ARPC5: variants seen among roughly 807,000 people sequenced by gnomAD.
The protein encoded by ARPC5 is actin-related protein 2/3 complex subunit 5.
Under a neutral mutation model 15.4 loss-of-function variants are expected in ARPC5, and 5 were observed. That is an observed-to-expected ratio of 0.32 (90% CI 0.17 to 0.68). The LOEUF is 0.68. Ranked by LOEUF, ARPC5 falls within the 30% of genes least tolerant of loss-of-function variation. The probability of loss-of-function intolerance (pLI) is 0.71; values close to 1 mark genes in which losing one functional copy is unlikely to be tolerated. For missense variants in ARPC5, 138 were observed against 192.8 expected, an observed-to-expected ratio of 0.72 and a Z score of 1.68; for synonymous variants, 85 against 72.2, an observed-to-expected ratio of 1.18 and a Z score of -0.90.
chr1:183,631,534 T>C (rs1253409958), intron 2 of ARPC5: 1 of 141,508 alleles, frequency 7.1e-6, no homozygotes, highest in Non-Finnish European at 1.5e-5. Context: ...GAGTTGAGAT[T>C]GCACCACTGC....
chr1:183,635,361 CCT>C (rs1223124390), intron 1 of ARPC5, among the ~76,000 whole-genome samples, 154 bp downstream of exon 1: 1 of 152,332 alleles, frequency 6.6e-6, no homozygotes, highest in African/African-American at 2.4e-5. Flanking sequence ...TCCCCCTTGC[CCT>C]CTCAGAGCGG....
chr1:183,635,172 C>T (rs973566671), intron 1 of ARPC5, among the ~76,000 whole-genome samples: 1 of 152,246 alleles, frequency 6.6e-6, no homozygotes, highest in Non-Finnish European at 1.5e-5. Flanking sequence ...CCTTCCCCAC[C>T]AGCCGGGGCC....
Position 183,623,580 on chromosome 1 carries a change from G to T in ARPC5, c.*3952C>A. 2 of 1,494,838 alleles carry T rather than the reference G, an allele frequency of 1.3e-6. No homozygotes were observed. Among genetic ancestry groups the T allele is most frequent in the Non-Finnish European group, 1.8e-6 (2 of 1,098,344 alleles). 92.6% of individuals were successfully genotyped at this position (1,494,838 alleles called of 1,614,324 possible). On this transcript the variant is annotated 3_prime_UTR_variant, in exon 4 of 4. Transcript: ENST00000359856. Reference sequence around the variant, plus strand: ...TCCCGCGGCAGGAATATGGACAGAAGCAGCCTTGTTTAAGGGCACTTGGTT... The same window carrying T: ...TCCCGCGGCAGGAATATGGACAGAATCAGCCTTGTTTAAGGGCACTTGGTT...
intron 1 of ARPC5, chr1:183,633,925 C>A (rs6673809): frequency 0.077 from 11,718 of 152,190 alleles, 868 homozygotes; most frequent in African/African-American, 0.19. Context: ...CTTGTTCCTC[C>A]AACTCTAGTA....
At position 183,635,782 on chromosome 1, in the gene ARPC5, C is replaced by G; in HGVS notation, c.-123G>C. 7.4e-7 allele frequency: 1 copy of G among 1,357,040 alleles called. No individual in the cohort carries two copies. The highest frequency in any genetic ancestry group is 9.9e-7 in the Non-Finnish European group (1 of 1,008,246). 84.1% of individuals were successfully genotyped at this position (1,357,040 alleles called of 1,614,324 possible). A position where few individuals can be genotyped will look rare whatever the true frequency, so the allele number is the denominator to read the frequency against. ...CTCTTCCGCTCTGAGGCGTCGCCGA[C>G]TGCCGCGGCTCGGACCGTTCTGGGC... On this transcript the variant is annotated 5_prime_UTR_variant, in exon 1 of 4. Transcript: ENST00000359856.
rs1261033174 is a variant in ARPC5, at chr1:183,621,129, T to C, written c.*6403A>G. The stretch of plus-strand genomic sequence containing the variant: ...GATTTGAAAAGATTAAAAAATGTTT[T>C]ATGACAAACACATAGAATAGGTAAA... On this transcript the variant is annotated 3_prime_UTR_variant, in exon 4 of 4. Coordinates refer to ENST00000359856, the MANE Select transcript of ARPC5 (RefSeq NM_005717.4). The C allele has an allele frequency of 6.6e-6, 1 of 152,250 alleles. No individual in the cohort carries two copies. The highest frequency in any genetic ancestry group is 2.1e-4 in the South Asian group (1 of 4,838). 9.4% of individuals were successfully genotyped at this position (152,250 alleles called of 1,614,324 possible). A position where few individuals can be genotyped will look rare whatever the true frequency, so the allele number is the denominator to read the frequency against.
intron 3 of ARPC5, among the ~76,000 whole-genome samples, chr1:183,629,389 T>C (rs1649201978): frequency 6.6e-6 from 1 of 152,210 alleles, no homozygotes; most frequent in Admixed American, 6.5e-5. Flanking sequence ...AATAGTATGG[T>C]ACCTGGCAAC....
At position 183,625,225 on chromosome 1, in the gene ARPC5, C is replaced by T. The variant is rs1040690780; in HGVS notation, c.*2307G>A. 2.6e-5 allele frequency: 4 copies of T among 152,186 alleles called. No individual in the cohort carries two copies. Among genetic ancestry groups the T allele is most frequent in the Admixed American group, 2.6e-4 (4 of 15,286 alleles). The allele number at this position is 152,186 out of a possible 1,614,324, so 9.4% of individuals were successfully genotyped here. ...TCCCAACTCTTCACCAAGGATAGTA[C>T]TGTGTCATGGTTACTATACCCTGGG... On this transcript the variant is annotated 3_prime_UTR_variant, in exon 4 of 4. Coordinates refer to ENST00000359856, the MANE Select transcript of ARPC5 (RefSeq NM_005717.4).
intron 2 of ARPC5, 75 bp downstream of exon 2, chr1:183,633,007 T>A (rs1471167013): frequency 8.8e-7 from 1 of 1,135,064 alleles, no homozygotes; most frequent in South Asian, 1.5e-5. Flanking sequence ...ATATTGATTT[T>A]TTTTTGCAAC....
At chr1:183,630,113 T>A (rs1165778567) in intron 3 of ARPC5, among the ~76,000 whole-genome samples, 7 of 152,240 alleles carry the variant, frequency 4.6e-5, no homozygotes, top group Admixed American at 3.9e-4. Context: ...GTACCACAAT[T>A]TAGCTGTTCA....
Position 183,635,667 on chromosome 1 carries a change from C to T in ARPC5, c.-8G>A. 6 of 1,610,128 alleles carry T rather than the reference C, an allele frequency of 3.7e-6. No individual in the cohort carries two copies. The highest frequency in any genetic ancestry group is 5.1e-6 in the Non-Finnish European group (6 of 1,178,100). Reference sequence around the variant, plus strand: ...CACTGTGTTCTTCGACATCCCAATCCCGACCAGCGGCAAAGGCCTCTTCTT... The same window carrying T: ...CACTGTGTTCTTCGACATCCCAATCTCGACCAGCGGCAAAGGCCTCTTCTT... On this transcript the variant is annotated 5_prime_UTR_variant, in exon 1 of 4. Transcript: ENST00000359856.
At position 183,623,763 on chromosome 1, in the gene ARPC5, C is replaced by T; in HGVS notation, c.*3769G>A. On this transcript the variant is annotated 3_prime_UTR_variant, in exon 4 of 4. Coordinates refer to ENST00000359856, the MANE Select transcript of ARPC5 (RefSeq NM_005717.4). ...ATCTGGCTGGGCGCGGTGGTCACGC[C>T]TGTAATCCCAGTGCTTTGGGAGGCG... The T allele has an allele frequency of 4.5e-6, 2 of 439,660 alleles. No individual in the cohort carries two copies. The highest frequency in any genetic ancestry group is 7.4e-5 in the Admixed American group (2 of 27,064). The allele number at this position is 439,660 out of a possible 1,614,324, so 27.2% of individuals were successfully genotyped here.
intron 3 of ARPC5, among the ~76,000 whole-genome samples, chr1:183,628,025 T>C (rs1406579036): frequency 6.6e-6 from 1 of 151,250 alleles, no homozygotes; most frequent in Non-Finnish European, 1.5e-5. Flanking sequence ...TACAAAAAAT[T>C]AGCCGGGCGT....
intron 2 of ARPC5, chr1:183,632,674 AC>A (rs1649300726): frequency 6.5e-6 from 1 of 154,416 alleles, no homozygotes; most frequent in South Asian, 1.9e-4. Context: ...ACCACAAACC[AC>A]TATCTTTTTA....
chr1:183,625,114 A>G lies in ARPC5; in HGVS notation c.*2418T>C, dbSNP rs906172987. On this transcript the variant is annotated 3_prime_UTR_variant, in exon 4 of 4. Coordinates refer to ENST00000359856, the MANE Select transcript of ARPC5 (RefSeq NM_005717.4). ...CAAATAGTAAAAGCACTGAGATTAA[A>G]GGAGGAGAATGGGAGGTAAACAACT... is the stretch of plus-strand genomic sequence containing the variant. 6.6e-6 allele frequency: 1 copy of G among 152,242 alleles called. No homozygotes were observed. The highest frequency in any genetic ancestry group is 2.4e-5 in the African/African-American group (1 of 41,466). The allele number at this position is 152,242 out of a possible 1,614,324, so 9.4% of individuals were successfully genotyped here.
At position 183,621,735 on chromosome 1, in the gene ARPC5, G is replaced by A. The variant is rs760735322; in HGVS notation, c.*5797C>T. 6.6e-6 allele frequency: 1 copy of A among 152,214 alleles called. No individual in the cohort carries two copies. Among genetic ancestry groups the A allele is most frequent in the Non-Finnish European group, 1.5e-5 (1 of 68,044 alleles). The allele number at this position is 152,214 out of a possible 1,614,324, so 9.4% of individuals were successfully genotyped here. A position where few individuals can be genotyped will look rare whatever the true frequency, so the allele number is the denominator to read the frequency against. ...ACTTCCTGATGTTGCCATGGCATTT[G>A]TAAACTGTCATGGTGCCGGTGGGAG... On this transcript the variant is annotated 3_prime_UTR_variant, in exon 4 of 4. Transcript: ENST00000359856.
At chr1:183,628,534 C>A (rs1233935359) in intron 3 of ARPC5, among the ~76,000 whole-genome samples, 1 of 152,104 alleles carries the variant, frequency 6.6e-6, no homozygotes, top group African/African-American at 2.4e-5. Context: ...CAAAAGTGAA[C>A]AAATACAGCA....
rs573254247 is a variant in ARPC5, at chr1:183,623,483, G to A, written c.*4049C>T. On this transcript the variant is annotated 3_prime_UTR_variant, in exon 4 of 4. Coordinates refer to ENST00000359856, the MANE Select transcript of ARPC5 (RefSeq NM_005717.4). ...CATACAAGAGGCACCTGCACAGAACGTTTTCACATTGGGGTTTTCACATAT... is the reference window on the plus strand; with the variant it reads ...CATACAAGAGGCACCTGCACAGAACATTTTCACATTGGGGTTTTCACATAT... The A allele has an allele frequency of 5.2e-6, 8 of 1,550,254 alleles. No homozygotes were observed. The highest frequency in any genetic ancestry group is 3.6e-5 in the South Asian group (3 of 84,058).
At chr1:183,631,067 A>T (rs1649248584) in intron 2 of ARPC5, 1 of 155,732 alleles carries the variant, frequency 6.4e-6, no homozygotes, top group African/African-American at 2.4e-5. Context: ...CTGTGGGAGT[A>T]GGGGATAAGG....
Sources: allele counts gnomAD v4.1 joint callset (sites outside exome capture counted in the v4.1 genomes callset), GRCh38; gene constraint gnomAD v4.1.1; transcripts MANE v1.5; gene names NCBI Gene and HGNC (gene_info 2026-07-23, HGNC 2026-07-21).